The following MKRN2OS variants were observed in gnomAD, a reference collection of about 807,000 sequenced individuals.
The protein encoded by MKRN2OS is MKRN2 opposite strand protein.
Under a neutral mutation model 18.2 loss-of-function variants are expected in MKRN2OS, and 17 were observed. That is an observed-to-expected ratio of 0.93 (90% confidence interval 0.64 to 1.40). The LOEUF (loss-of-function observed/expected upper bound fraction) is 1.40, where lower values mean the gene tolerates loss of function less well. Among genes scored for constraint, MKRN2OS ranks in the 40% most tolerant of loss-of-function variants. The probability of loss-of-function intolerance (pLI) is 0.00; values close to 1 mark genes in which losing one functional copy is unlikely to be tolerated. For missense variants in MKRN2OS, 337 were observed against 283.0 expected, an observed-to-expected ratio of 1.19 and a Z score of -1.37; for synonymous variants, 121 against 108.5, an observed-to-expected ratio of 1.12 and a Z score of -0.72.
exon 2 of MKRN2OS, chr3:12,553,880 T>G (rs1034968818): frequency 6.6e-6 from 1 of 152,182 alleles, no homozygotes; most frequent in African/African-American, 2.4e-5. Context: ...AACAAGCAAT[T>G]CGGAAATTTT....
At chr3:12,556,708 C>A (rs1304244519) in intron 1 of MKRN2OS, among the ~76,000 whole-genome samples, 4 of 151,962 alleles carry the variant, frequency 2.6e-5, no homozygotes, top group Admixed American at 2.0e-4. Flanking sequence ...CCAGTGAGTG[C>A]GAGTATGAAT....
chr3:12,550,008 T>C (rs772943038), upstream of MKRN2OS, among the ~76,000 whole-genome samples: 7 of 152,166 alleles, frequency 4.6e-5, no homozygotes, highest in Non-Finnish European at 7.3e-5. Flanking sequence ...TGCAAAATGG[T>C]ATAGTGATTT....
chr3:12,556,499 G>A (rs1198435532), intron 1 of MKRN2OS, among the ~76,000 whole-genome samples: 1 of 151,546 alleles, frequency 6.6e-6, no homozygotes, highest in Non-Finnish European at 1.5e-5. Context: ...CTAGAGGGAA[G>A]TGTCAAAAAT....
chr3:12,540,257 C>T lies in MKRN2OS; in HGVS notation c.608G>A (p.Gly203Asp). The change falls in exon 4 of 4, where the codon GGC becomes GAC. Residue 203 changes from glycine to aspartate, a missense_variant. Gly to Asp is a moderately conservative substitution (Grantham distance 94). Transcript: ENST00000564146. The part of the protein sequence containing the change: ...ITLYRAIREH[G>D]FYVTDCPQQQ... The stretch of plus-strand genomic sequence containing the variant: ...CTGGGGACAGTCAGTGACGTAGAAG[C>T]CATGCTCCCGTATCGCCCGGTAGAG... 1 of 1,536,144 alleles carries T rather than the reference C, an allele frequency of 6.5e-7. No homozygotes were observed.
At chr3:12,542,056 A>G (rs757369925) in intron 2 of MKRN2OS, 34 bp from the exon 3 acceptor site, 6 of 1,519,894 alleles carry the variant, frequency 3.9e-6, no homozygotes, top group Non-Finnish European at 5.3e-6. Flanking sequence ...GTGGAGCCCC[A>G]AGGAAACACA....
At chr3:12,540,592 G>C (rs994776985) in intron 3 of MKRN2OS, among the ~76,000 whole-genome samples, 159 bp from the exon 4 acceptor site, 4 of 152,014 alleles carry the variant, frequency 2.6e-5, no homozygotes, top group African/African-American at 9.7e-5. Context: ...GTGCACTTCA[G>C]GCCGGGTGCG....
At chr3:12,548,545 T>C (rs2057905475), upstream of MKRN2OS, among the ~76,000 whole-genome samples, 1 of 144,564 alleles carries the variant, frequency 6.9e-6, no homozygotes, top group South Asian at 2.5e-4. Flanking sequence ...GACAGGAGAA[T>C]CGCTTGAACC....
chr3:12,556,986 A>C, intron 1 of MKRN2OS: 2 of 692,260 alleles, frequency 2.9e-6, no homozygotes, highest in Non-Finnish European at 4.0e-6. Context: ...GACGACGGCT[A>C]GGTTACCCGC....
intron 1 of MKRN2OS, chr3:12,557,270 G>T: frequency 6.8e-7 from 1 of 1,467,158 alleles, no homozygotes. Flanking sequence ...CCTGAGGCTA[G>T]AGCGGGACTC....
chr3:12,540,193 T>C lies in MKRN2OS; in HGVS notation c.672A>G (p.Ter224TrpextTer12). ...CGTCCAGGCTGCGCTTACATAGCTC[T>C]CAGCACAAACCGCCGCCCTCAGGGG... ...AQPPEGGGLC[*>W] is the part of the protein sequence containing the mutation. Residue 224 changes from the stop codon to tryptophan, a stop_lost, in exon 4 of 4, where the codon TGA becomes TGG. Coordinates refer to ENST00000564146, the MANE Select transcript of MKRN2OS (RefSeq NM_001195279.2). 6.5e-7 allele frequency: 1 copy of C among 1,536,134 alleles called. No homozygotes were observed. Among genetic ancestry groups the C allele is most frequent in the Non-Finnish European group, 8.7e-7 (1 of 1,146,908 alleles).
At chr3:12,541,784 G>A in intron 3 of MKRN2OS, 76 bp downstream of exon 3, 1 of 1,427,176 alleles carries the variant, frequency 7.0e-7, no homozygotes, top group Non-Finnish European at 9.4e-7. Context: ...AGTCCTCTGT[G>A]AGCTGAGGCT....
chr3:12,548,968 T>C (rs574677256), upstream of MKRN2OS, among the ~76,000 whole-genome samples: 171 of 152,348 alleles, frequency 1.1e-3, no homozygotes, highest in African/African-American at 3.9e-3. Context: ...GGAATCTCAC[T>C]CTGTCGCCTA....
rs556243982 is a variant in MKRN2OS at position 12,544,844 on chromosome 3, A to G, written c.218+403T>C. Among the ~76,000 whole-genome samples, 73 of 152,320 alleles carry G rather than the reference A, an allele frequency of 4.8e-4. 1 individual carries two copies. In the South Asian group the frequency reaches 0.014, roughly 29 times the overall value. Reference sequence around the variant, plus strand: ...CTTCAGTTTAATTTGCCTCCATACAAAATAGTCTGCAAGTGCCCGTTCATC... The same window carrying G: ...CTTCAGTTTAATTTGCCTCCATACAGAATAGTCTGCAAGTGCCCGTTCATC... On this transcript the variant is annotated intron_variant, in intron 1 of 3. Coordinates refer to ENST00000564146, the MANE Select transcript of MKRN2OS (RefSeq NM_001195279.2).
At chr3:12,550,162 T>G (rs1036047113), upstream of MKRN2OS, among the ~76,000 whole-genome samples, 17 of 152,190 alleles carry the variant, frequency 1.1e-4, no homozygotes, top group Non-Finnish European at 2.4e-4. Context: ...GCAGCTTCAT[T>G]CATAATTGCT....
At chr3:12,546,455 AATC>A (rs1463156052), upstream of MKRN2OS, among the ~76,000 whole-genome samples, 6 of 152,200 alleles carry the variant, frequency 3.9e-5, no homozygotes, top group Admixed American at 2.0e-4. Context: ...ATTTGTGAAA[AATC>A]ATCAAGCTGT....
Position 12,541,978 on chromosome 3 carries a change from C to T in MKRN2OS, c.313G>A (p.Glu105Lys). 6.5e-7 allele frequency: 1 copy of T among 1,536,094 alleles called. No individual in the cohort carries two copies. The highest frequency in any genetic ancestry group is 8.7e-7 in the Non-Finnish European group (1 of 1,146,892). The change falls in exon 3 of 4, where the codon GAA (glutamate) becomes AAA (lysine). Residue 105 changes from glutamate to lysine, a missense_variant. By Grantham distance (56) the Glu-to-Lys change is moderately conservative (BLOSUM62 1). Transcript: ENST00000564146. The stretch of plus-strand genomic sequence containing the variant: ...ATGCTTATGCTCTCTTCCCACCCTT[C>T]TCCGTCTCGCTGGACACCATGTGCA... ...YSAHGVQRDG[E>K]GWEESISIPL... is the part of the protein sequence containing the mutation.
At position 12,540,267 on chromosome 3, in the gene MKRN2OS, G is replaced by C. The variant is rs922613288; in HGVS notation, c.598C>G (p.Arg200Gly). The C allele has an allele frequency of 2.6e-6, 4 of 1,536,000 alleles. No individual in the cohort carries two copies. The highest frequency in any genetic ancestry group is 8.7e-7 in the Non-Finnish European group (1 of 1,146,924). ...TCAGTGACGTAGAAGCCATGCTCCC[G>C]TATCGCCCGGTAGAGTGTGATGAAC... ...SKFITLYRAI[R>G]EHGFYVTDCP... Residue 200 changes from arginine to glycine, a missense_variant, in exon 4 of 4, where the codon CGG (arginine) becomes GGG (glycine). By Grantham distance (125) the Arg-to-Gly change is moderately radical. Coordinates refer to ENST00000564146, the MANE Select transcript of MKRN2OS (RefSeq NM_001195279.2).
intron 1 of MKRN2OS, chr3:12,556,894 G>C: frequency 2.6e-6 from 1 of 386,820 alleles, no homozygotes; most frequent in Non-Finnish European, 4.6e-6. Flanking sequence ...GCCAGGCTCC[G>C]CCCCGGAGGC....
chr3:12,542,156 T>C, intron 2 of MKRN2OS, 134 bp from the exon 3 acceptor site: 1 of 881,948 alleles, frequency 1.1e-6, no homozygotes, highest in Non-Finnish European at 1.7e-6. Context: ...TCTAGAATCT[T>C]CCATCCACCT....
Sources: gnomAD v4.1 joint callset for allele counts (sites outside exome capture counted in the v4.1 genomes callset) on GRCh38, gnomAD v4.1.1 for gene constraint, MANE v1.5 for transcripts, NCBI Gene and HGNC (gene_info 2026-07-23, HGNC 2026-07-21) for gene names.